AGTPBP1: variants seen among roughly 807,000 people sequenced by gnomAD.
AGTPBP1 encodes ATP/GTP binding carboxypeptidase 1, also known as cytosolic carboxypeptidase 1.
In AGTPBP1, 70 loss-of-function variants were observed where a neutral mutation model predicts 143.9. The ratio of observed to expected loss-of-function variants is 0.49; its 90% confidence interval spans 0.40 to 0.59. The LOEUF (loss-of-function observed/expected upper bound fraction) is 0.59. AGTPBP1 is among the 20% of genes least tolerant of loss of function. AGTPBP1 has a pLI of 0.00. For synonymous variants in AGTPBP1, 463 were observed against 500.2 expected (o/e 0.93, Z 0.99); for missense variants, 1,229 against 1,464.5 (o/e 0.84, Z 2.62).
chr9:85,729,940 T>C (rs1184333406), intron 1 of AGTPBP1, among the ~76,000 whole-genome samples: 3 of 152,178 alleles, frequency 2.0e-5, no homozygotes, highest in Non-Finnish European at 2.9e-5. Context: ...GGGCAGTCAC[T>C]AGCAGGCAGC....
chr9:85,755,671 T>C, the AGTPBP1 span, among the ~76,000 whole-genome samples: 1 of 152,110 alleles, frequency 6.6e-6, no homozygotes, highest in Non-Finnish European at 1.5e-5. Context: ...CTACAGCCCC[T>C]GCAATCAATC....
intron 18 of AGTPBP1, among the ~76,000 whole-genome samples, chr9:85,594,225 C>T (rs1829148890): frequency 6.6e-6 from 1 of 152,100 alleles, no homozygotes; most frequent in Admixed American, 6.6e-5. Flanking sequence ...TGGTGAAAAG[C>T]AGTTTTATTC....
rs369938463 is a variant in AGTPBP1, at chr9:85,585,279, C to T, written c.3165+184G>A. Among the ~76,000 whole-genome samples the T allele has an allele frequency of 9.2e-5, 14 of 152,250 alleles. No homozygotes were observed. The East Asian group carries it at 1.4e-3, about 15-fold the overall frequency. On this transcript the variant is annotated intron_variant, in intron 23 of 25. Coordinates refer to ENST00000357081, the MANE Select transcript of AGTPBP1 (RefSeq NM_001330701.2). ...AAAACAGAATTAGATCCCCACATCT[C>T]ACACAAAAATTAATTCCAAATAGAT... is the stretch of plus-strand genomic sequence containing the variant.
At chr9:85,773,468 G>A in the AGTPBP1 span, among the ~76,000 whole-genome samples, 2 of 149,990 alleles carry the variant, frequency 1.3e-5, no homozygotes, top group Non-Finnish European at 3.0e-5. Flanking sequence ...CAAGTAGCTG[G>A]GATTACAGGT....
At chr9:85,756,364 T>C in the AGTPBP1 span, 4 of 1,127,600 alleles carry the variant, frequency 3.5e-6, no homozygotes, top group East Asian at 8.9e-5. Flanking sequence ...GGTGGAGAAA[T>C]TGGGACCTTC....
intron 11 of AGTPBP1, among the ~76,000 whole-genome samples, chr9:85,649,800 C>T (rs1412562298): frequency 6.6e-6 from 1 of 151,986 alleles, no homozygotes; most frequent in African/African-American, 2.4e-5. Flanking sequence ...TTGGTTTTGT[C>T]CCTTTGATCT....
chr9:85,666,840 A>G (rs144240626), intron 8 of AGTPBP1, among the ~76,000 whole-genome samples: 2,580 of 152,236 alleles, frequency 0.017, 37 homozygotes, highest in African/African-American at 0.038. Flanking sequence ...AAATAAAAGC[A>G]TAACTAATGT....
chr9:85,684,902 A>G (rs62569232), intron 3 of AGTPBP1, among the ~76,000 whole-genome samples: 2,540 of 152,150 alleles, frequency 0.017, 24 homozygotes, highest in Middle Eastern at 0.054. Context: ...GAAGTACACA[A>G]TGAATGAAAA....
At chr9:85,715,178 G>A (rs980989065) in intron 1 of AGTPBP1, among the ~76,000 whole-genome samples, 3 of 151,786 alleles carry the variant, frequency 2.0e-5, no homozygotes, top group Non-Finnish European at 2.9e-5. Context: ...ACTGGGAGGC[G>A]GAGGTTGCTG....
chr9:85,645,991 C>T (rs1441591240), intron 12 of AGTPBP1, among the ~76,000 whole-genome samples: 1 of 152,092 alleles, frequency 6.6e-6, no homozygotes, highest in Non-Finnish European at 1.5e-5. Context: ...AGACTGCTGA[C>T]AAAGGATAAT....
chr9:85,713,920 T>C (rs1213959427), intron 1 of AGTPBP1, among the ~76,000 whole-genome samples: 2 of 152,176 alleles, frequency 1.3e-5, no homozygotes, highest in Non-Finnish European at 2.9e-5. Flanking sequence ...TAAAAATCAC[T>C]ATATATCCAC....
At chr9:85,581,979 A>G (rs1828292415) in intron 23 of AGTPBP1, among the ~76,000 whole-genome samples, 1 of 152,218 alleles carries the variant, frequency 6.6e-6, no homozygotes, top group African/African-American at 2.4e-5. Context: ...AAAAAATCTG[A>G]TATCTAAAAC....
chr9:85,765,184 G>A, the AGTPBP1 span: 182 of 295,640 alleles, frequency 6.2e-4, 2 homozygotes, highest in Admixed American at 1.2e-3. Context: ...TAATTTCCTT[G>A]AGTATATTTG....
At chr9:85,655,745 A>C (rs1833462872) in intron 10 of AGTPBP1, among the ~76,000 whole-genome samples, 1 of 151,976 alleles carries the variant, frequency 6.6e-6, no homozygotes, top group Non-Finnish European at 1.5e-5. Flanking sequence ...TGTATCAGTT[A>C]TCATGCAATA....
intron 25 of AGTPBP1, among the ~76,000 whole-genome samples, chr9:85,554,857 C>G (rs1382078484): frequency 1.3e-5 from 2 of 152,132 alleles, no homozygotes; most frequent in African/African-American, 4.8e-5. Context: ...TGAAGAATTT[C>G]ACCATCTATT....
chr9:85,680,045 T>C (rs540651870), intron 4 of AGTPBP1, among the ~76,000 whole-genome samples: 1 of 152,318 alleles, frequency 6.6e-6, no homozygotes, highest in East Asian at 1.9e-4. Flanking sequence ...TTCTCACTGA[T>C]CTGAAATGCT....
At chr9:85,601,247 C>T (rs1587714851) in intron 17 of AGTPBP1, among the ~76,000 whole-genome samples, 1 of 152,192 alleles carries the variant, frequency 6.6e-6, no homozygotes, top group South Asian at 2.1e-4. Context: ...TTCCCCAGCC[C>T]ACCAGCACTG....
intron 2 of AGTPBP1, among the ~76,000 whole-genome samples, chr9:85,694,004 C>T (rs1361758333): frequency 6.6e-6 from 1 of 152,082 alleles, no homozygotes; most frequent in East Asian, 1.9e-4. Flanking sequence ...ATGAGGTGGC[C>T]AGTGTGGCTG....
intron 17 of AGTPBP1, among the ~76,000 whole-genome samples, chr9:85,598,550 A>G (rs981157634): frequency 6.6e-6 from 1 of 152,094 alleles, no homozygotes; most frequent in Non-Finnish European, 1.5e-5. Context: ...ATCAAGTTGT[A>G]TTTCCTGGAG....
Sources: allele counts gnomAD v4.1 joint callset (sites outside exome capture counted in the v4.1 genomes callset), GRCh38; gene constraint gnomAD v4.1.1; transcripts MANE v1.5; gene names NCBI Gene and HGNC (gene_info 2026-07-23, HGNC 2026-07-21).